The following CCDC40 variants were observed in gnomAD, a reference collection of about 807,000 sequenced individuals.
CCDC40 encodes coiled-coil domain 40 molecular ruler complex subunit, also known as coiled-coil domain-containing protein 40.
Under a neutral mutation model 124.5 loss-of-function variants are expected in CCDC40, and 104 were observed. The observed-to-expected ratio is 0.84, with a 90% CI of 0.71 to 0.98. The LOEUF (loss-of-function observed/expected upper bound fraction) is 0.98. Among genes scored for constraint, CCDC40 ranks in the 50% least tolerant of loss-of-function variants. The pLI, the probability that CCDC40 is intolerant of heterozygous loss-of-function variation, is 0.00. For synonymous variants in CCDC40, 580 were observed against 602.9 expected (o/e 0.96, Z 0.56); for missense variants, 1,463 against 1,503.9 (o/e 0.97, Z 0.45).
In CCDC40 at chr17:80,091,142, T is replaced by A. The variant is rs139866052; in HGVS notation, c.2832+1258T>A. On this transcript the variant is annotated intron_variant, in intron 17 of 19. Transcript: ENST00000397545. ...TGGCCCTACATGGTTACTAACCCAT[T>A]CTTTAACAGTTACAATATATACTAT... is the stretch of plus-strand genomic sequence containing the variant. 1.8e-4 allele frequency among the ~76,000 whole-genome samples: 27 copies of A among 152,352 alleles called. No homozygotes were observed. The East Asian group carries it at 5.0e-3, about 28-fold the overall frequency.
intron 10 of CCDC40, among the ~76,000 whole-genome samples, chr17:80,071,392 C>T (rs2038182718): frequency 6.6e-6 from 1 of 152,310 alleles, no homozygotes; most frequent in Admixed American, 6.5e-5. Flanking sequence ...CAGGCCGACC[C>T]AAGGACAAAA....
At chr17:80,067,387 CTT>C (rs2038072676) in intron 10 of CCDC40, 1 of 605,128 alleles carries the variant, frequency 1.7e-6, no homozygotes, top group Admixed American at 2.6e-5. Flanking sequence ...CCCTGCCTAA[CTT>C]GTGTGCAATT....
At position 80,087,467 on chromosome 17, in the gene CCDC40, G is replaced by C; in HGVS notation, c.2450-140G>C. The stretch of plus-strand genomic sequence containing the variant: ...GCAGGGACGAGATTCAGGCAGGAGC[G>C]CCAGGAACGACAAGAGGGAGGGGAT... On this transcript the variant is annotated intron_variant, in intron 14 of 19. Coordinates refer to ENST00000397545, the MANE Select transcript of CCDC40 (RefSeq NM_017950.4). The surrounding 1 kb of genome is among the most constrained non-coding windows in gnomAD (Gnocchi z 4.5). 1.4e-6 allele frequency: 1 copy of C among 717,358 alleles called. No homozygotes were observed. Among genetic ancestry groups the C allele is most frequent in the East Asian group, 2.7e-5 (1 of 36,990 alleles). 44.4% of individuals were successfully genotyped at this position (717,358 alleles called of 1,614,324 possible).
chr17:80,081,913 G>A lies in CCDC40; in HGVS notation c.1844G>A (p.Arg615His), dbSNP rs753336334. ...CTCACGGAGGAGTTGCAGGCCATCC[G>A]CCAAGCCATCCAGGGCGAGCTGGAG... is the stretch of plus-strand genomic sequence containing the variant. The part of the protein sequence containing the change: ...MILTEELQAI[R>H]QAIQGELELR... Residue 615 changes from arginine (R) to histidine (H), a missense_variant, in exon 12 of 20, where the codon CGC (arginine) becomes CAC (histidine). Coordinates refer to ENST00000397545, the MANE Select transcript of CCDC40 (RefSeq NM_017950.4). 8.7e-6 allele frequency: 14 copies of A among 1,614,086 alleles called. No individual in the cohort carries two copies. Among genetic ancestry groups the A allele is most frequent in the South Asian group, 2.2e-5 (2 of 91,082 alleles).
chr17:80,080,156 T>C (rs1324084871), intron 10 of CCDC40, among the ~76,000 whole-genome samples: 1 of 151,404 alleles, frequency 6.6e-6, no homozygotes, highest in African/African-American at 2.4e-5. Context: ...ATCATGCCAT[T>C]GCACTCTAGC....
chr17:80,062,282 T>A (rs2037920666), intron 9 of CCDC40, among the ~76,000 whole-genome samples: 1 of 152,162 alleles, frequency 6.6e-6, no homozygotes, highest in Admixed American at 6.5e-5. Context: ...TGGAAACCTG[T>A]CTCGATATTA....
intron 18 of CCDC40, among the ~76,000 whole-genome samples, chr17:80,097,019 G>A (rs979394724): frequency 1.3e-5 from 2 of 152,190 alleles, no homozygotes; most frequent in Non-Finnish European, 2.9e-5. Flanking sequence ...AACCACTCAG[G>A]CCCCCATCTC....
Position 80,086,462 on chromosome 17 carries a change from C to T in CCDC40, c.2449+246C>T. On this transcript the variant is annotated intron_variant, in intron 14 of 19. Transcript: ENST00000397545. This position sits in a 1 kb window ranked among gnomAD's most constrained non-coding sequence, Gnocchi z 5.5. ...GAAATGGCTCCAAGCTCACGGACTTCAGAGCTCTCCTTGAGAGAGGAGCAT... is the reference window on the plus strand; with the variant it reads ...GAAATGGCTCCAAGCTCACGGACTTTAGAGCTCTCCTTGAGAGAGGAGCAT... The T allele has an allele frequency of 2.0e-6, 1 of 494,452 alleles. No homozygotes were observed. Among genetic ancestry groups the T allele is most frequent in the Non-Finnish European group, 3.7e-6 (1 of 269,748 alleles). 30.6% of individuals were successfully genotyped at this position (494,452 alleles called of 1,614,324 possible).
rs886053540 is a variant in CCDC40 at position 80,100,438 on chromosome 17, C to T, written c.*663C>T. 2.0e-5 allele frequency: 3 copies of T among 153,340 alleles called. No individual in the cohort carries two copies. Among genetic ancestry groups the T allele is most frequent in the African/African-American group, 7.2e-5 (3 of 41,440 alleles). The allele number at this position is 153,340 out of a possible 1,614,324, so 9.5% of individuals were successfully genotyped here. A position where few individuals can be genotyped will look rare whatever the true frequency, so the allele number is the denominator to read the frequency against. On this transcript the variant is annotated 3_prime_UTR_variant, in exon 20 of 20. Coordinates refer to ENST00000397545, the MANE Select transcript of CCDC40 (RefSeq NM_017950.4). ...GCGTCCACACCAAGGGACTACGCCC[C>T]AGTCTGCCCACCTATCTTTTCTCCA...
intron 3 of CCDC40, among the ~76,000 whole-genome samples, chr17:80,046,558 A>ATAATAATAATAAT (rs2037425299): frequency 1.3e-5 from 2 of 151,462 alleles, no homozygotes; most frequent in African/African-American, 4.9e-5. Context: ...AATAATAATA[A>ATAATAATAATAAT]AAGAGTGGTT....
chr17:80,054,818 A>T (rs1194554659), intron 7 of CCDC40, among the ~76,000 whole-genome samples: 1 of 152,132 alleles, frequency 6.6e-6, no homozygotes, highest in Non-Finnish European at 1.5e-5. Flanking sequence ...TACTAAAAGT[A>T]CAAAAAATTA....
intron 13 of CCDC40, among the ~76,000 whole-genome samples, 181 bp from the exon 14 acceptor site, chr17:80,085,818 CACCA>C: frequency 6.6e-6 from 1 of 151,988 alleles, no homozygotes; most frequent in Non-Finnish European, 1.5e-5. Context: ...CACAGGTGTG[CACCA>C]GCACACCTGG....
chr17:80,066,644 A>G lies in CCDC40; in HGVS notation c.1562+1038A>G, dbSNP rs964371853. On this transcript the variant is annotated intron_variant, in intron 10 of 19. Transcript: ENST00000397545. The surrounding 1 kb of genome is among the most constrained non-coding windows in gnomAD (Gnocchi z 4.4). ...GGTGTGGGCGCCTGTAATCCCCGCT[A>G]CTCGGGAGGGTGAGACAGAGAACTG... 1 of 160,680 alleles carries G rather than the reference A, an allele frequency of 6.2e-6. No homozygotes were observed. The highest frequency in any genetic ancestry group is 1.4e-5 in the Non-Finnish European group (1 of 73,594). 10.0% of individuals were successfully genotyped at this position (160,680 alleles called of 1,614,324 possible).
intron 19 of CCDC40, chr17:80,098,820 T>C (rs924483685): frequency 6.6e-6 from 1 of 151,554 alleles, no homozygotes; most frequent in Non-Finnish European, 1.5e-5. Flanking sequence ...GCGCCTGTAA[T>C]CTCAGCTACC....
At chr17:80,061,207 G>A (rs1212901122) in intron 9 of CCDC40, among the ~76,000 whole-genome samples, 3 of 152,172 alleles carry the variant, frequency 2.0e-5, no homozygotes, top group Non-Finnish European at 4.4e-5. Context: ...TTAGCTGGGC[G>A]TGGTGGTACA....
intron 10 of CCDC40, among the ~76,000 whole-genome samples, chr17:80,068,372 A>G (rs1193454343): frequency 1.3e-5 from 2 of 152,152 alleles, no homozygotes; most frequent in East Asian, 3.9e-4. Flanking sequence ...CATTGTGAGA[A>G]GTATAAACTG....
Position 80,050,129 on chromosome 17 carries a change from G to C in CCDC40, c.1005G>C (p.Gln335His). The C allele has an allele frequency of 6.2e-7, 1 of 1,613,868 alleles. No homozygotes were observed. Among genetic ancestry groups the C allele is most frequent in the Non-Finnish European group, 8.5e-7 (1 of 1,180,014 alleles). ...QELGVNLYEV[Q>H]QHLVHLQKLL... ...TGGGGGTGAATCTCTATGAGGTGCA[G>C]CAGCACCTGGTACACCTGCAGAAGC... is the stretch of plus-strand genomic sequence containing the variant. The change falls in exon 7 of 20, where the codon CAG becomes CAC. Residue 335 changes from glutamine (Q) to histidine (H), a missense_variant. Transcript: ENST00000397545.
intron 3 of CCDC40, among the ~76,000 whole-genome samples, chr17:80,043,502 C>A (rs769580743): frequency 2.8e-5 from 2 of 71,200 alleles, no homozygotes; most frequent in Non-Finnish European, 5.1e-5. Context: ...CACACCCCTG[C>A]GGCCGGCCTT....
chr17:80,044,198 T>C (rs1350738656), intron 3 of CCDC40, among the ~76,000 whole-genome samples: 1 of 152,136 alleles, frequency 6.6e-6, no homozygotes, highest in Non-Finnish European at 1.5e-5. Flanking sequence ...ACGGTAGCTC[T>C]TGCTTCAAAG....
Sources: gnomAD v4.1 joint callset for allele counts (sites outside exome capture counted in the v4.1 genomes callset) on GRCh38, gnomAD v4.1.1 for gene constraint, Gnocchi (gnomAD v3.1) non-coding constraint, MANE v1.5 for transcripts, NCBI Gene and HGNC (gene_info 2026-07-23, HGNC 2026-07-21) for gene names.